OARD1: variants seen among roughly 807,000 people sequenced by gnomAD.
The protein encoded by OARD1 is ADP-ribose glycohydrolase OARD1.
In OARD1, 19 loss-of-function variants were observed where a neutral mutation model predicts 19.7. The ratio of observed to expected loss-of-function variants is 0.96; its 90% confidence interval spans 0.67 to 1.41. The LOEUF (loss-of-function observed/expected upper bound fraction) is 1.41, where lower values mean the gene tolerates loss of function less well. Among genes scored for constraint, OARD1 ranks in the 40% most tolerant of loss-of-function variants. OARD1 has a pLI of 0.00. For missense variants in OARD1, 190 were observed against 183.8 expected, an observed-to-expected ratio of 1.03 and a Z score of -0.20; for synonymous variants, 70 against 61.8, an observed-to-expected ratio of 1.13 and a Z score of -0.62.
intron 1 of OARD1, among the ~76,000 whole-genome samples, chr6:41,080,522 G>A (rs1763876547): frequency 6.6e-6 from 1 of 152,158 alleles, no homozygotes; most frequent in African/African-American, 2.4e-5. Context: ...GTAAGTAGAA[G>A]TGTCAGATTC....
At chr6:41,084,246 A>G (rs555328826) in intron 1 of OARD1, 2 of 1,579,914 alleles carry the variant, frequency 1.3e-6, no homozygotes, top group Non-Finnish European at 1.7e-6. Flanking sequence ...GTTTCAAAGA[A>G]TAGATTATTA....
At chr6:41,088,525 CA>C (rs1290296938) in intron 1 of OARD1, among the ~76,000 whole-genome samples, 1 of 151,906 alleles carries the variant, frequency 6.6e-6, no homozygotes, top group Non-Finnish European at 1.5e-5. Context: ...AGGCCCTTAT[CA>C]AGGTGTTGTC....
chr6:41,070,081 A>AAT lies in OARD1; in HGVS notation c.236_237dup (p.Tyr80IlefsTer3), dbSNP rs1450401949. ...AGGAATTGGCCCCATCTTACCAAGT[A>AAT]ATATATATATCGCCCATCTCTCTTC... On this transcript the variant is annotated frameshift_variant, in exon 4 of 6. Coordinates refer to ENST00000424266, the MANE Select transcript of OARD1 (RefSeq NM_001329686.2). LOFTEE classifies it high-confidence loss of function. The AAT allele has an allele frequency of 8.2e-6, 13 of 1,585,434 alleles. No individual in the cohort carries two copies. The highest frequency in any genetic ancestry group is 2.2e-5 in the East Asian group (1 of 44,730).
At chr6:41,070,935 G>A (rs1763308281) in intron 3 of OARD1, 197 bp downstream of exon 3, 2 of 622,270 alleles carry the variant, frequency 3.2e-6, no homozygotes, top group Non-Finnish European at 5.7e-6. Context: ...GATACAAGAG[G>A]AAGAGATTAA....
At chr6:41,072,397 T>C (rs1292054156), upstream of OARD1, 1 of 152,270 alleles carries the variant, frequency 6.6e-6, no homozygotes, top group Non-Finnish European at 1.5e-5. Context: ...GATCCGACCC[T>C]GGTAGGTGGG....
Position 41,079,469 on chromosome 6 carries a change from CTTG to C in OARD1, c.-41-7797_-41-7795del, listed in dbSNP as rs1325877058. The stretch of plus-strand genomic sequence containing the variant: ...GGATTCTATTTGGTCTTTTTCTCTT[CTTG>C]TTTGAGCTAACTTGTGATTTAGTAA... On this transcript the variant is annotated intron_variant, in intron 1 of 4. Transcript: ENST00000480585. 2.6e-5 allele frequency among the ~76,000 whole-genome samples: 4 copies of C among 152,284 alleles called. No individual in the cohort carries two copies. The South Asian group carries it at 6.2e-4, about 24-fold the overall frequency.
upstream of OARD1, among the ~76,000 whole-genome samples, chr6:41,075,018 T>G (rs1044311906): frequency 6.6e-6 from 1 of 152,234 alleles, no homozygotes; most frequent in Non-Finnish European, 1.5e-5. Context: ...CAGTGCTCTT[T>G]CATTACTAAA....
upstream of OARD1, chr6:41,072,954 T>C (rs1167470294): frequency 1.9e-5 from 3 of 154,728 alleles, no homozygotes; most frequent in African/African-American, 7.2e-5. Context: ...CGATTCCCCT[T>C]TGTTCGGGTT....
upstream of OARD1, among the ~76,000 whole-genome samples, chr6:41,076,597 AAG>A (rs1305820235): frequency 6.6e-6 from 1 of 152,226 alleles, no homozygotes; most frequent in Admixed American, 6.5e-5. Context: ...TAGTGGGGCA[AAG>A]AGAATTGCAC....
chr6:41,089,846 G>A lies in OARD1; in HGVS notation c.-42+7867C>T, dbSNP rs1457658715. 63 of 1,253,272 alleles carry A rather than the reference G, an allele frequency of 5.0e-5. No homozygotes were observed. In the East Asian group the frequency reaches 1.2e-3, roughly 25 times the overall value. 77.6% of individuals were successfully genotyped at this position (1,253,272 alleles called of 1,614,324 possible). ...TAAAAAAATATATTTTTGGCCGGGCGCGGTGGCTCATGCCTGTAATCCCAG... is the reference window on the plus strand; with the variant it reads ...TAAAAAAATATATTTTTGGCCGGGCACGGTGGCTCATGCCTGTAATCCCAG... On this transcript the variant is annotated intron_variant, in intron 1 of 4. Transcript: ENST00000480585.
chr6:41,079,310 A>T (rs1763842476), intron 1 of OARD1: 2 of 719,692 alleles, frequency 2.8e-6, no homozygotes, highest in Non-Finnish European at 4.7e-6. Context: ...CTGAAATGCC[A>T]TGTCTAGCCC....
At chr6:41,079,709 G>C (rs188716169) in intron 1 of OARD1, among the ~76,000 whole-genome samples, 10 of 152,048 alleles carry the variant, frequency 6.6e-5, no homozygotes, top group African/African-American at 2.2e-4. Flanking sequence ...TTATACACAG[G>C]TTACATTTTC....
chr6:41,079,224 A>G, intron 1 of OARD1: 3 of 1,504,518 alleles, frequency 2.0e-6, no homozygotes, highest in Non-Finnish European at 1.9e-6. Context: ...GCACCACTCA[A>G]TTGGTTGGTC....
Position 41,067,118 on chromosome 6 carries a change from T to C in OARD1, c.*217A>G. On this transcript the variant is annotated 3_prime_UTR_variant, in exon 6 of 6. Coordinates refer to ENST00000424266, the MANE Select transcript of OARD1 (RefSeq NM_001329686.2). ...GCCTATTATCAAGCCACCTAACTCC[T>C]TACTTTTCCACAAAAAAACACAACC... The C allele has an allele frequency of 3.0e-6, 1 of 334,566 alleles. No individual in the cohort carries two copies. The highest frequency in any genetic ancestry group is 5.6e-6 in the Non-Finnish European group (1 of 179,560). The allele number at this position is 334,566 out of a possible 1,614,324, so 20.7% of individuals were successfully genotyped here. A position where few individuals can be genotyped will look rare whatever the true frequency, so the allele number is the denominator to read the frequency against.
At chr6:41,093,098 T>C (rs1426531667) in intron 1 of OARD1, 4 of 1,611,872 alleles carry the variant, frequency 2.5e-6, no homozygotes, top group Admixed American at 1.7e-5. Flanking sequence ...ATGTATAACA[T>C]TGGGAAGGAT....
chr6:41,089,840 C>T, intron 1 of OARD1: 7 of 1,313,734 alleles, frequency 5.3e-6, no homozygotes, highest in East Asian at 2.6e-5. Context: ...ATATTTTTGG[C>T]CGGGCGCGGT....
chr6:41,085,738 G>A (rs1424859777), intron 1 of OARD1, among the ~76,000 whole-genome samples: 1 of 146,466 alleles, frequency 6.8e-6, no homozygotes, highest in African/African-American at 2.7e-5. Flanking sequence ...CCATGCATGT[G>A]GGGTTGTGTT....
chr6:41,079,086 G>T, intron 1 of OARD1: 1 of 1,614,000 alleles, frequency 6.2e-7, no homozygotes, highest in Non-Finnish European at 8.5e-7. Flanking sequence ...CACTTGGAGG[G>T]ACCATGGAGC....
intron 1 of OARD1, chr6:41,090,236 A>G (rs1052201553): frequency 6.2e-7 from 1 of 1,613,940 alleles, no homozygotes; most frequent in African/African-American, 1.3e-5. Flanking sequence ...AGGGACAGCA[A>G]GTGGCACAGA....
Sources: gnomAD v4.1 joint callset for allele counts (sites outside exome capture counted in the v4.1 genomes callset) on GRCh38, gnomAD v4.1.1 for gene constraint, MANE v1.5 for transcripts, NCBI Gene and HGNC (gene_info 2026-07-23, HGNC 2026-07-21) for gene names.